The following TSPAN9 variants were observed in gnomAD, a reference collection of about 807,000 sequenced individuals.
The protein encoded by TSPAN9 is tetraspanin-9.
Under a neutral mutation model 31.0 loss-of-function variants are expected in TSPAN9, and 16 were observed. That is an observed-to-expected ratio of 0.52 (90% CI 0.35 to 0.78). The LOEUF (loss-of-function observed/expected upper bound fraction) is 0.78, where lower values mean the gene tolerates loss of function less well. TSPAN9 is among the 30% of genes least tolerant of loss of function. The pLI is 0.01. For missense variants in TSPAN9, 272 were observed against 312.5 expected, an observed-to-expected ratio of 0.87 and a Z score of 0.98; for synonymous variants, 145 against 121.6, an observed-to-expected ratio of 1.19 and a Z score of -1.27.
intron 2 of TSPAN9, among the ~76,000 whole-genome samples, chr12:3,142,679 TG>T (rs561226588): frequency 9.4e-4 from 143 of 152,318 alleles, no homozygotes; most frequent in Admixed American, 1.8e-3. Context: ...CCCGCATCCC[TG>T]CCCCCGGGTG....
chr12:3,252,502 C>T (rs923067679), intron 3 of TSPAN9, among the ~76,000 whole-genome samples: 2 of 152,218 alleles, frequency 1.3e-5, no homozygotes, highest in African/African-American at 2.4e-5. Flanking sequence ...ATATAGCCGT[C>T]CCTGCACTCC....
Position 3,212,427 on chromosome 12 carries a change from T to C in TSPAN9, c.63+11171T>C, listed in dbSNP as rs567556189. ...ATCTTATGTTATATAGAGACTTCTT[T>C]TTATATATTTTTTAAATTTTTAAAT... is the stretch of plus-strand genomic sequence containing the variant. On this transcript the variant is annotated intron_variant, in intron 3 of 8. Transcript: ENST00000011898. 2.2e-4 allele frequency among the ~76,000 whole-genome samples: 34 copies of C among 152,282 alleles called. No individual in the cohort carries two copies. In the South Asian group the frequency reaches 6.8e-3, roughly 31 times the overall value.
At chr12:3,180,605 A>G (rs138149158) in intron 2 of TSPAN9, among the ~76,000 whole-genome samples, 1 of 152,372 alleles carries the variant, frequency 6.6e-6, no homozygotes, top group Non-Finnish European at 1.5e-5. Context: ...GAAACAATTA[A>G]CAGGTTAACT....
At position 3,090,583 on chromosome 12, in the gene TSPAN9, G is replaced by T. The variant is rs75180557; in HGVS notation, c.-18+6864G>T. On this transcript the variant is annotated intron_variant, in intron 2 of 8. Transcript: ENST00000011898. Reference sequence around the variant, plus strand: ...ATCTAGGCCCTGAAGCCTCACACACGCATTGTCTGTTGATTGCTGGTAACA... The same window carrying T: ...ATCTAGGCCCTGAAGCCTCACACACTCATTGTCTGTTGATTGCTGGTAACA... Among the ~76,000 whole-genome samples the T allele has an allele frequency of 3.9e-5, 6 of 152,184 alleles. 1 individual carries two copies. Among genetic ancestry groups the T allele is most frequent in the Admixed American group, 3.9e-4 (6 of 15,284 alleles).
rs564111103 is a variant in TSPAN9 at position 3,109,182 on chromosome 12, C to T, written c.-18+25463C>T. Among the ~76,000 whole-genome samples, 25 of 151,680 alleles carry T rather than the reference C, an allele frequency of 1.6e-4. No individual in the cohort carries two copies. The South Asian group carries it at 3.3e-3, about 20-fold the overall frequency. ...CGATCTCCTGACCTCGTGATCCGCC[C>T]GCCTTGGCCTCCCAGAGTGCTGGGA... On this transcript the variant is annotated intron_variant, in intron 2 of 8. Transcript: ENST00000011898.
chr12:3,174,259 G>C (rs1182334775), intron 2 of TSPAN9, among the ~76,000 whole-genome samples: 1 of 152,090 alleles, frequency 6.6e-6, no homozygotes, highest in Non-Finnish European at 1.5e-5. Context: ...TACAGACAGA[G>C]TCTTACTATG....
intron 2 of TSPAN9, among the ~76,000 whole-genome samples, chr12:3,088,000 A>C (rs1222723491): frequency 6.6e-6 from 1 of 152,194 alleles, no homozygotes; most frequent in Non-Finnish European, 1.5e-5. Flanking sequence ...GGACAGTAGG[A>C]GAAGATCCTG....
chr12:3,124,958 G>A (rs922690029), intron 2 of TSPAN9: 1 of 152,008 alleles, frequency 6.6e-6, no homozygotes, highest in Non-Finnish European at 1.5e-5. Context: ...AGCTACTCAG[G>A]AGGCTGAGGT....
chr12:3,113,181 G>A (rs2098320103), intron 2 of TSPAN9, among the ~76,000 whole-genome samples: 1 of 152,202 alleles, frequency 6.6e-6, no homozygotes, highest in African/African-American at 2.4e-5. Flanking sequence ...GGGAATACAT[G>A]TCTGTTGGGT....
chr12:3,178,490 C>T (rs1361610589), intron 2 of TSPAN9, among the ~76,000 whole-genome samples: 6 of 152,074 alleles, frequency 3.9e-5, no homozygotes, highest in African/African-American at 9.7e-5. Flanking sequence ...GTGTTTTCAC[C>T]GTGTTGGCCA....
At chr12:3,204,746 G>A (rs927700102) in intron 3 of TSPAN9, among the ~76,000 whole-genome samples, 5 of 152,172 alleles carry the variant, frequency 3.3e-5, no homozygotes, top group African/African-American at 1.2e-4. Flanking sequence ...TAGGTGGATA[G>A]GGAATAGGAG....
At position 3,176,346 on chromosome 12, in the gene TSPAN9, G is replaced by GA. The variant is rs570665285; in HGVS notation, c.-17-24830dup. ...CATGGAGAAAACTGAGCGTCCAAGAGAGGGGCATGTGCTCTGCACAGGGAA... is the reference window on the plus strand; with the variant it reads ...CATGGAGAAAACTGAGCGTCCAAGAGAAGGGGCATGTGCTCTGCACAGGGAA... On this transcript the variant is annotated intron_variant, in intron 2 of 8. Coordinates refer to ENST00000011898, the MANE Select transcript of TSPAN9 (RefSeq NM_006675.5). 2.6e-3 allele frequency among the ~76,000 whole-genome samples: 392 copies of GA among 152,334 alleles called. 3 individuals carry two copies. The highest frequency in any genetic ancestry group is 3.7e-3 in the South Asian group (18 of 4,832).
In TSPAN9 at chr12:3,280,332, C is replaced by T. The variant is rs151039760; in HGVS notation, c.331-50C>T. On this transcript the variant is annotated intron_variant, in intron 5 of 8. Transcript: ENST00000011898. This position sits in a 1 kb window ranked among gnomAD's most constrained non-coding sequence, Gnocchi z 4.5. The stretch of plus-strand genomic sequence containing the variant: ...GGTGACCTGAGGTGGGCTGGAGAGA[C>T]GAGCTGCGTCCTGGTTCCAACCGTC... 2.8e-5 allele frequency: 43 copies of T among 1,559,596 alleles called. No individual in the cohort carries two copies. Among genetic ancestry groups the T allele is most frequent in the Admixed American group, 5.0e-5 (3 of 59,818 alleles).
At chr12:3,092,568 A>G (rs573045157) in intron 2 of TSPAN9, among the ~76,000 whole-genome samples, 2 of 152,314 alleles carry the variant, frequency 1.3e-5, no homozygotes, top group East Asian at 3.9e-4. Flanking sequence ...TAAGATTGCT[A>G]CAGATACAGC....
chr12:3,098,510 C>A (rs1309850479), intron 2 of TSPAN9, among the ~76,000 whole-genome samples: 2 of 152,160 alleles, frequency 1.3e-5, no homozygotes, highest in Admixed American at 6.5e-5. Context: ...CATCCTTGGC[C>A]TGCAAGGGAG....
At chr12:3,259,358 A>G (rs924663821) in intron 3 of TSPAN9, among the ~76,000 whole-genome samples, 6 of 152,166 alleles carry the variant, frequency 3.9e-5, no homozygotes, top group Non-Finnish European at 8.8e-5. Context: ...CATATACTAA[A>G]TGGTACTTTA....
chr12:3,281,828 C>T lies in TSPAN9; in HGVS notation c.648+11C>T, dbSNP rs555314011. 27 of 1,613,580 alleles carry T rather than the reference C, an allele frequency of 1.7e-5. No homozygotes were observed. The East Asian group carries it at 2.7e-4, about 16-fold the overall frequency. On this transcript the variant is annotated intron_variant, in intron 8 of 8. Transcript: ENST00000011898. Reference sequence around the variant, plus strand: ...ATCCTCATCATGCAGGTAAGAGGGGCGTCCCCAGCAGCCTCACCCACCCTG... The same window carrying T: ...ATCCTCATCATGCAGGTAAGAGGGGTGTCCCCAGCAGCCTCACCCACCCTG...
chr12:3,194,234 G>A (rs2098365982), intron 2 of TSPAN9, among the ~76,000 whole-genome samples: 1 of 152,192 alleles, frequency 6.6e-6, no homozygotes, highest in South Asian at 2.1e-4. Flanking sequence ...CTCAGTGACT[G>A]GAGCAGAGGC....
chr12:3,260,036 T>A (rs968227064), intron 3 of TSPAN9, among the ~76,000 whole-genome samples: 3 of 152,180 alleles, frequency 2.0e-5, no homozygotes, highest in African/African-American at 7.2e-5. Flanking sequence ...AGCAGGAAGA[T>A]TTCTGCTGAG....
Sources: gnomAD v4.1 joint callset for allele counts (sites outside exome capture counted in the v4.1 genomes callset) on GRCh38, gnomAD v4.1.1 for gene constraint, Gnocchi (gnomAD v3.1) non-coding constraint, MANE v1.5 for transcripts, NCBI Gene and HGNC (gene_info 2026-07-23, HGNC 2026-07-21) for gene names.